Variants in CASR observed in about 807,000 individuals in gnomAD.
CASR encodes the protein extracellular calcium-sensing receptor.
Under a neutral mutation model 69.1 loss-of-function variants are expected in CASR, and 23 were observed. The observed-to-expected ratio is 0.33, with a 90% confidence interval of 0.24 to 0.47. CASR has a LOEUF of 0.47. CASR is among the 20% of genes least tolerant of loss of function. The probability of loss-of-function intolerance (pLI) is 1.00; values close to 1 mark genes in which losing one functional copy is unlikely to be tolerated. For synonymous variants in CASR, 541 were observed against 544.7 expected, an observed-to-expected ratio of 0.99 and a Z score of 0.10; for missense variants, 924 against 1,356.1, an observed-to-expected ratio of 0.68 and a Z score of 5.00.
chr3:122,285,759 T>A lies in CASR; in HGVS notation c.*568T>A, dbSNP rs199835779. ...AGGTTTGCACCCCTCCTATACCATA[T>A]GTCTGCTTCTGTCCAGGACATGATA... On this transcript the variant is annotated 3_prime_UTR_variant, in exon 7 of 7. Transcript: ENST00000639785. The A allele has an allele frequency of 6.0e-5, 10 of 165,500 alleles. No individual in the cohort carries two copies. The highest frequency in any genetic ancestry group is 5.5e-4 in the Admixed American group (10 of 18,192). The allele number at this position is 165,500 out of a possible 1,614,324, so 10.3% of individuals were successfully genotyped here.
At chr3:122,210,017 G>T (rs1210861035) in intron 1 of CASR, among the ~76,000 whole-genome samples, 34 of 152,018 alleles carry the variant, frequency 2.2e-4, no homozygotes. Context: ...CACATAAAAG[G>T]CCTTTGATAA....
At position 122,254,246 on chromosome 3, in the gene CASR, C is replaced by T. The variant is rs761576251; in HGVS notation, c.57C>T (p.Ala19=). The change falls in exon 2 of 7, where the codon GCC becomes GCT. Residue 19 remains alanine, a synonymous_variant. Coordinates refer to ENST00000639785, the MANE Select transcript of CASR (RefSeq NM_000388.4). ...VLLALTWHTS[A]YGPDQRAQKK... is the part of the protein sequence containing the mutation. ...TGGCACTCACCTGGCACACCTCTGC[C>T]TACGGGCCAGACCAGCGAGCCCAAA... 2.0e-5 allele frequency: 32 copies of T among 1,613,970 alleles called. No individual in the cohort carries two copies. Among genetic ancestry groups the T allele is most frequent in the South Asian group, 1.6e-4 (15 of 91,066 alleles).
intron 1 of CASR, among the ~76,000 whole-genome samples, chr3:122,196,338 G>T (rs924246860): frequency 6.6e-6 from 1 of 152,000 alleles, no homozygotes; most frequent in Admixed American, 6.6e-5. Flanking sequence ...TAAACTGAAA[G>T]AGAAATGATA....
intron 1 of CASR, among the ~76,000 whole-genome samples, chr3:122,243,623 C>CA (rs2107616210): frequency 1.3e-5 from 2 of 152,066 alleles, no homozygotes; most frequent in Non-Finnish European, 2.9e-5. Flanking sequence ...GGAGGCCCCT[C>CA]AAAAAACTAA....
intron 5 of CASR, among the ~76,000 whole-genome samples, chr3:122,277,977 C>T (rs564723928): frequency 6.6e-6 from 1 of 152,290 alleles, no homozygotes; most frequent in Non-Finnish European, 1.5e-5. Context: ...AATATTACCT[C>T]AAACGTAGCA....
intron 4 of CASR, among the ~76,000 whole-genome samples, chr3:122,269,967 G>A (rs1029019408): frequency 1.2e-4 from 18 of 152,046 alleles, no homozygotes; most frequent in African/African-American, 3.9e-4. Flanking sequence ...TCAGCCTCCC[G>A]AGTAGCTGGG....
intron 1 of CASR, among the ~76,000 whole-genome samples, chr3:122,243,404 A>C (rs2074397156): frequency 6.6e-6 from 1 of 152,166 alleles, no homozygotes; most frequent in Non-Finnish European, 1.5e-5. Flanking sequence ...TATGAGTATG[A>C]AACAGGAATA....
At position 122,287,724 on chromosome 3, in the gene CASR, G is replaced by C. The variant is rs11713017; in HGVS notation, c.*2533G>C. The C allele has an allele frequency of 6.6e-6, 1 of 152,362 alleles. No homozygotes were observed. Among genetic ancestry groups the C allele is most frequent in the Admixed American group, 6.5e-5 (1 of 15,302 alleles). 9.4% of individuals were successfully genotyped at this position (152,362 alleles called of 1,614,324 possible). A position where few individuals can be genotyped will look rare whatever the true frequency, so the allele number is the denominator to read the frequency against. ...CTCATCTGGTCCCATCATGGGTTTCGTGGTGGTTTTCACGCATGCCTCACT... is the reference window on the plus strand; with the variant it reads ...CTCATCTGGTCCCATCATGGGTTTCCTGGTGGTTTTCACGCATGCCTCACT... On this transcript the variant is annotated 3_prime_UTR_variant, in exon 7 of 7. Coordinates refer to ENST00000639785, the MANE Select transcript of CASR (RefSeq NM_000388.4).
At chr3:122,206,613 C>G (rs1215033167) in intron 1 of CASR, among the ~76,000 whole-genome samples, 2 of 151,928 alleles carry the variant, frequency 1.3e-5, no homozygotes, top group African/African-American at 4.8e-5. Context: ...TAAGTATTCT[C>G]TCTTCTTTAA....
chr3:122,281,186 T>C (rs892125744), intron 5 of CASR, among the ~76,000 whole-genome samples: 1 of 152,240 alleles, frequency 6.6e-6, no homozygotes, highest in African/African-American at 2.4e-5. Context: ...ATTTGTTTTG[T>C]TTTGTTTTGT....
intron 5 of CASR, among the ~76,000 whole-genome samples, chr3:122,278,689 A>G (rs3845920): frequency 0.97 from 148,226 of 152,228 alleles, 72,319 homozygotes; most frequent in South Asian, 1. Flanking sequence ...TGCAGTAAGC[A>G]GACCCAGATG....
rs2074974716 is a variant in CASR, at chr3:122,286,870, T to A, written c.*1679T>A. On this transcript the variant is annotated 3_prime_UTR_variant, in exon 7 of 7. Transcript: ENST00000639785. ...GTGACTTCTTCCCCTGACCACTTTC[T>A]TCCAAAGGGGCGCCTTTCAGTGATT... 1 of 152,260 alleles carries A rather than the reference T, an allele frequency of 6.6e-6. No homozygotes were observed. The highest frequency in any genetic ancestry group is 2.4e-5 in the African/African-American group (1 of 41,468). 9.4% of individuals were successfully genotyped at this position (152,260 alleles called of 1,614,324 possible).
intron 4 of CASR, among the ~76,000 whole-genome samples, chr3:122,263,470 T>C (rs764131181): frequency 1.3e-5 from 2 of 152,250 alleles, no homozygotes; most frequent in African/African-American, 2.4e-5. Context: ...TGTGTGATTA[T>C]TATAGTAGGA....
In CASR at chr3:122,285,259, C is replaced by T. The variant is rs2074956716; in HGVS notation, c.*68C>T. 2.2e-6 allele frequency: 3 copies of T among 1,385,666 alleles called. No homozygotes were observed. Among genetic ancestry groups the T allele is most frequent in the Non-Finnish European group, 2.0e-6 (2 of 975,892 alleles). The allele number at this position is 1,385,666 out of a possible 1,614,324, so 85.8% of individuals were successfully genotyped here. A position where few individuals can be genotyped will look rare whatever the true frequency, so the allele number is the denominator to read the frequency against. The stretch of plus-strand genomic sequence containing the variant: ...TCTTGGGGTCCCAGGGAAGAGGAAT[C>T]GCCCCAGACTCCTTTCCTCTGAGGA... On this transcript the variant is annotated 3_prime_UTR_variant, in exon 7 of 7. Transcript: ENST00000639785.
In CASR at chr3:122,218,511, G is replaced by GA. The variant is rs2074139787; in HGVS notation, c.-243+34700dup. 2.9e-5 allele frequency among the ~76,000 whole-genome samples: 4 copies of GA among 137,346 alleles called. No homozygotes were observed. The South Asian group carries it at 9.2e-4, about 32-fold the overall frequency. The allele number at this position is 137,346 out of a possible 152,430, so 90.1% of individuals were successfully genotyped here. Reference sequence around the variant, plus strand: ...ATCATGCCACTGCACTCCAGCGACAGAGTTCTGGCAACAGAGCGAGACTCT... The same window carrying GA: ...ATCATGCCACTGCACTCCAGCGACAGAAGTTCTGGCAACAGAGCGAGACTCT... On this transcript the variant is annotated intron_variant, in intron 1 of 6. Coordinates refer to ENST00000639785, the MANE Select transcript of CASR (RefSeq NM_000388.4).
At chr3:122,203,081 C>T (rs1414002854) in intron 1 of CASR, among the ~76,000 whole-genome samples, 2 of 152,190 alleles carry the variant, frequency 1.3e-5, no homozygotes, top group African/African-American at 4.8e-5. Context: ...GGTGAGCCTC[C>T]CTTCTGTGTT....
At chr3:122,220,923 G>C (rs1971332) in intron 1 of CASR, among the ~76,000 whole-genome samples, 103,042 of 151,994 alleles carry the variant, frequency 0.68, 35,223 homozygotes, top group Admixed American at 0.79. Flanking sequence ...GCAATGAGCC[G>C]AGATCGCGCC....
At chr3:122,204,184 A>G (rs1322553556) in intron 1 of CASR, among the ~76,000 whole-genome samples, 1 of 152,044 alleles carries the variant, frequency 6.6e-6, no homozygotes, top group Non-Finnish European at 1.5e-5. Context: ...CTATCTAAAC[A>G]CTGTCTTATT....
At chr3:122,240,269 A>C (rs992808138) in intron 1 of CASR, among the ~76,000 whole-genome samples, 2 of 152,200 alleles carry the variant, frequency 1.3e-5, no homozygotes, top group African/African-American at 4.8e-5. Flanking sequence ...AGACCCAATG[A>C]TCTGTTGCCT....
Sources: allele counts gnomAD v4.1 joint callset (sites outside exome capture counted in the v4.1 genomes callset), GRCh38; gene constraint gnomAD v4.1.1; transcripts MANE v1.5; gene names NCBI Gene and HGNC (gene_info 2026-07-23, HGNC 2026-07-21).